Variants in BCAP29 observed in about 807,000 individuals in gnomAD.
BCAP29 encodes the protein B cell receptor associated protein 29.
Under a neutral mutation model 31.8 loss-of-function variants are expected in BCAP29, and 34 were observed. That is an observed-to-expected ratio of 1.07 (90% confidence interval 0.81 to 1.42). The LOEUF is 1.42. Ranked by LOEUF, BCAP29 falls within the 40% of genes most tolerant of loss-of-function variation. BCAP29 has a pLI of 0.00. For missense variants in BCAP29, 314 were observed against 269.2 expected (o/e 1.17, Z -1.16); for synonymous variants, 104 against 91.3 (o/e 1.14, Z -0.79).
At chr7:107,589,795 G>A (rs1293944053) in intron 3 of BCAP29, among the ~76,000 whole-genome samples, 1 of 152,132 alleles carries the variant, frequency 6.6e-6, no homozygotes, top group Non-Finnish European at 1.5e-5. Context: ...ACCAAGGATT[G>A]GAATCATATA....
At chr7:107,615,583 G>A (rs1199397920) in intron 7 of BCAP29, 4 of 245,294 alleles carry the variant, frequency 1.6e-5, no homozygotes, top group South Asian at 5.2e-5. Context: ...GTGACAGAGC[G>A]AGACTCCATC....
Position 107,618,170 on chromosome 7 carries a change from T to A in BCAP29, c.691-158T>A, listed in dbSNP as rs567902283. Among the ~76,000 whole-genome samples, 262 of 152,296 alleles carry A rather than the reference T, an allele frequency of 1.7e-3. 2 individuals are homozygous for A. Among genetic ancestry groups the A allele is most frequent in the Non-Finnish European group, 2.4e-3 (165 of 67,980 alleles). On this transcript the variant is annotated intron_variant, in intron 7 of 7. Transcript: ENST00000005259. ...TCCTAAGTAAAAACCACAAATTTTA[T>A]AGTTTTTTAAATTTTAGACTTTCTC...
In BCAP29 at chr7:107,581,678, A is replaced by G. The variant is rs181248878; in HGVS notation, c.92+814A>G. ...AGTGAGATCCTAGAGATAACCCACT[A>G]AAGTGTATTAAAATCCCAGGACTGG... is the stretch of plus-strand genomic sequence containing the variant. On this transcript the variant is annotated intron_variant, in intron 2 of 7. Transcript: ENST00000005259. Among the ~76,000 whole-genome samples, 285 of 152,338 alleles carry G rather than the reference A, an allele frequency of 1.9e-3. 2 individuals are homozygous for G. Among genetic ancestry groups the G allele is most frequent in the African/African-American group, 6.7e-3 (277 of 41,580 alleles).
At chr7:107,598,894 TACACACACACACACACACACACAC>T (rs59376183) in intron 5 of BCAP29, among the ~76,000 whole-genome samples, 3 of 139,100 alleles carry the variant, frequency 2.2e-5, no homozygotes, top group African/African-American at 5.4e-5. Context: ...CAATACAGTA[TACACACACACACACACACACACAC>T]ACACACACAC....
At chr7:107,594,137 T>TA in intron 4 of BCAP29, 32 bp downstream of exon 4, 1 of 1,553,852 alleles carries the variant, frequency 6.4e-7, no homozygotes, top group African/African-American at 1.4e-5. Flanking sequence ...AAGCACAATT[T>TA]AAAAACATGA....
chr7:107,593,116 G>A (rs1464380168), intron 3 of BCAP29, among the ~76,000 whole-genome samples: 2 of 152,138 alleles, frequency 1.3e-5, no homozygotes, highest in African/African-American at 2.4e-5. Flanking sequence ...AAAGGCCCCA[G>A]TTTTCTAACT....
At chr7:107,598,753 T>C (rs542679551) in intron 5 of BCAP29, among the ~76,000 whole-genome samples, 4 of 151,894 alleles carry the variant, frequency 2.6e-5, no homozygotes, top group African/African-American at 7.2e-5. Context: ...CTTTTTTACC[T>C]GACTATAGAA....
chr7:107,583,906 T>C lies in BCAP29; in HGVS notation c.117T>C (p.Asn39=). The C allele has an allele frequency of 6.3e-7, 1 of 1,575,800 alleles. No homozygotes were observed. The highest frequency in any genetic ancestry group is 8.6e-7 in the Non-Finnish European group (1 of 1,158,968). ...GATGGCAGAAGATTTTTTCATTTAA[T>C]GTCTGGGGTAAAATTGCAACTTTTT... The part of the protein sequence containing the change: ...PQRWQKIFSF[N]VWGKIATFWN... The change falls in exon 3 of 8, where the codon AAT becomes AAC. Residue 39 remains asparagine (N), a synonymous_variant. Transcript: ENST00000005259.
At chr7:107,603,568 C>T (rs1457211754) in intron 6 of BCAP29, 1 of 150,562 alleles carries the variant, frequency 6.6e-6, no homozygotes, top group Non-Finnish European at 1.5e-5. Context: ...TCTGTTTGTT[C>T]CTGCTTTCCT....
At chr7:107,581,793 C>G (rs1429138882) in intron 2 of BCAP29, among the ~76,000 whole-genome samples, 1 of 152,142 alleles carries the variant, frequency 6.6e-6, no homozygotes, top group Admixed American at 6.5e-5. Flanking sequence ...GATTTCTGCT[C>G]TCTTCTGTCC....
rs1166066050 is a variant in BCAP29 at position 107,619,180 on chromosome 7, T to G, written c.*817T>G. 4 of 152,536 alleles carry G rather than the reference T, an allele frequency of 2.6e-5. No homozygotes were observed. Among genetic ancestry groups the G allele is most frequent in the African/African-American group, 9.6e-5 (4 of 41,454 alleles). The allele number at this position is 152,536 out of a possible 1,614,324, so 9.4% of individuals were successfully genotyped here. ...TTTCTAGAAAGTGTCCAAAAAGCAG[T>G]ATTTCTTTCCCTTGGTTGTGAGAGT... On this transcript the variant is annotated 3_prime_UTR_variant, in exon 8 of 8. Transcript: ENST00000005259.
downstream of BCAP29, chr7:107,621,785 G>A (rs1193078903): frequency 2.1e-6 from 1 of 479,384 alleles, no homozygotes; most frequent in Admixed American, 2.3e-5. Flanking sequence ...CTTCCAGCAG[G>A]AGCATGGCCC....
At chr7:107,614,057 T>C (rs1387724555) in intron 7 of BCAP29, among the ~76,000 whole-genome samples, 1 of 152,214 alleles carries the variant, frequency 6.6e-6, no homozygotes, top group Non-Finnish European at 1.5e-5. Context: ...AATTGATTTC[T>C]CAGACACACT....
chr7:107,597,813 G>A (rs1810135241), intron 5 of BCAP29, among the ~76,000 whole-genome samples: 1 of 152,132 alleles, frequency 6.6e-6, no homozygotes, highest in South Asian at 2.1e-4. Context: ...TGGTACCTAT[G>A]ACCACTTTCT....
intron 6 of BCAP29, among the ~76,000 whole-genome samples, chr7:107,601,726 C>A (rs893865634): frequency 1.3e-5 from 2 of 152,168 alleles, no homozygotes; most frequent in African/African-American, 4.8e-5. Context: ...TCTTTTTTAA[C>A]CCTGCATAAA....
chr7:107,594,117 A>C lies in BCAP29; in HGVS notation c.344+12A>C, dbSNP rs1007346162. On this transcript the variant is annotated intron_variant, in intron 4 of 7. Coordinates refer to ENST00000005259, the MANE Select transcript of BCAP29 (RefSeq NM_018844.4). ...CTATTTTTTTGGCTGTAAGTAAAAA[A>C]TAATAATAGAAGCACAATTTAAAAA... 6.3e-7 allele frequency: 1 copy of C among 1,579,018 alleles called. No individual in the cohort carries two copies.
intron 6 of BCAP29, among the ~76,000 whole-genome samples, chr7:107,612,391 T>TTATATATATATA (rs36213596): frequency 2.0e-3 from 62 of 30,792 alleles, no homozygotes; most frequent in Non-Finnish European, 3.0e-3. Flanking sequence ...ATGTATTGTT[T>TTATATATATATA]TATATATATA....
At chr7:107,611,257 C>T (rs1255655640) in intron 6 of BCAP29, among the ~76,000 whole-genome samples, 1 of 152,098 alleles carries the variant, frequency 6.6e-6, no homozygotes, top group Non-Finnish European at 1.5e-5. Context: ...CGGACCATAA[C>T]AACAACATTC....
At chr7:107,583,837 T>G in intron 2 of BCAP29, 45 bp from the exon 3 acceptor site, 1 of 995,008 alleles carries the variant, frequency 1.0e-6, no homozygotes. Flanking sequence ...TTTCAAAACT[T>G]TATTTTAGTT....
Sources: gnomAD v4.1 joint callset for allele counts (sites outside exome capture counted in the v4.1 genomes callset) on GRCh38, gnomAD v4.1.1 for gene constraint, MANE v1.5 for transcripts, NCBI Gene and HGNC (gene_info 2026-07-23, HGNC 2026-07-21) for gene names.